The following FBXL17 variants were observed in gnomAD, a reference collection of about 807,000 sequenced individuals.
FBXL17 encodes the protein F-box/LRR-repeat protein 17.
A neutral mutation model predicts 66.2 loss-of-function variants in FBXL17; 22 were observed. The ratio of observed to expected loss-of-function variants is 0.33; its 90% CI spans 0.24 to 0.47. The LOEUF is 0.47. FBXL17 is among the 20% of genes least tolerant of loss of function. The probability of loss-of-function intolerance (pLI) is 1.00; values close to 1 mark genes in which losing one functional copy is unlikely to be tolerated. For missense variants in FBXL17, 878 were observed against 948.2 expected (o/e 0.93, Z 0.97); for synonymous variants, 474 against 400.5 (o/e 1.18, Z -2.19).
At chr5:107,915,253 A>G (rs946147141) in intron 7 of FBXL17, among the ~76,000 whole-genome samples, 8 of 152,182 alleles carry the variant, frequency 5.3e-5, no homozygotes, top group Admixed American at 4.6e-4. Flanking sequence ...CATAAGTAAA[A>G]CATTTTTGCC....
Position 108,224,730 on chromosome 5 carries a change from T to A in FBXL17, c.1507-502A>T, listed in dbSNP as rs1184272629. Among the ~76,000 whole-genome samples, 3 of 152,142 alleles carry A rather than the reference T, an allele frequency of 2.0e-5. No individual in the cohort carries two copies. The South Asian group carries it at 6.2e-4, about 32-fold the overall frequency. ...CCTCAGCCTCCCAAGTAGCTGGGAC[T>A]ACAAGCATGCATCACCACACCCAAC... On this transcript the variant is annotated intron_variant, in intron 4 of 8. Coordinates refer to ENST00000542267, the MANE Select transcript of FBXL17 (RefSeq NM_001163315.3).
intron 6 of FBXL17, among the ~76,000 whole-genome samples, chr5:108,154,875 G>A (rs1365965568): frequency 1.3e-5 from 2 of 151,704 alleles, no homozygotes; most frequent in Non-Finnish European, 2.9e-5. Flanking sequence ...TGCTCTGAAA[G>A]CAGGAAGCAA....
At chr5:107,900,759 C>G (rs1023268209) in intron 7 of FBXL17, among the ~76,000 whole-genome samples, 2 of 152,070 alleles carry the variant, frequency 1.3e-5, no homozygotes, top group Non-Finnish European at 2.9e-5. Context: ...ATTGAAGCTC[C>G]TAATATAGTA....
rs192505713 is a variant in FBXL17, at chr5:107,997,174, C to A, written c.1822+23751G>T. On this transcript the variant is annotated intron_variant, in intron 7 of 8. Transcript: ENST00000542267. ...GGGTCAGTGACATCTGGTTTTAAAT[C>A]CTGTTTCTACTGTTTACATTGTATC... Among the ~76,000 whole-genome samples the A allele has an allele frequency of 2.0e-3, 300 of 152,232 alleles. 1 individual carries two copies. The highest frequency in any genetic ancestry group is 7.1e-3 in the African/African-American group (294 of 41,516).
intron 7 of FBXL17, among the ~76,000 whole-genome samples, chr5:107,912,428 G>A (rs1025538684): frequency 6.6e-6 from 1 of 152,090 alleles, no homozygotes; most frequent in Non-Finnish European, 1.5e-5. Context: ...TTACCAACAT[G>A]GGAATATATA....
At position 108,183,516 on chromosome 5, in the gene FBXL17, A is replaced by C. The variant is rs759883950; in HGVS notation, c.1745+2601T>G. Among the ~76,000 whole-genome samples the C allele has an allele frequency of 1.1e-4, 16 of 152,306 alleles. No homozygotes were observed. The South Asian group carries it at 2.7e-3, about 26-fold the overall frequency. On this transcript the variant is annotated intron_variant, in intron 6 of 8. Transcript: ENST00000542267. ...GATGTTGATTATAGAGAAGAATTTT[A>C]CTTTGTAAACTTTGTTTTCAGGAAA...
At chr5:108,041,471 C>G (rs1370931517) in intron 6 of FBXL17, among the ~76,000 whole-genome samples, 4 of 152,168 alleles carry the variant, frequency 2.6e-5, no homozygotes, top group African/African-American at 7.2e-5. Context: ...GGCCGGAGAG[C>G]AGTGGCGCAA....
At chr5:107,980,664 A>ATATATATTTTTTTTTT in intron 7 of FBXL17, among the ~76,000 whole-genome samples, 41 of 62,066 alleles carry the variant, frequency 6.6e-4, no homozygotes, top group African/African-American at 2.2e-3. Flanking sequence ...ATATATATAT[A>ATATATATTTTTTTTTT]TTTTTTTTTT....
At chr5:108,063,898 A>C (rs1179912753) in intron 6 of FBXL17, among the ~76,000 whole-genome samples, 1 of 152,184 alleles carries the variant, frequency 6.6e-6, no homozygotes, top group Admixed American at 6.5e-5. Context: ...CTGCTGATGC[A>C]TTATTTCTCA....
At chr5:108,057,766 T>C (rs1185119816) in intron 6 of FBXL17, among the ~76,000 whole-genome samples, 2 of 152,218 alleles carry the variant, frequency 1.3e-5, no homozygotes, top group Non-Finnish European at 2.9e-5. Context: ...GCAATCCCAT[T>C]ACAATAGCTA....
intron 4 of FBXL17, among the ~76,000 whole-genome samples, chr5:108,339,469 G>A (rs1226512659): frequency 6.6e-6 from 1 of 151,776 alleles, no homozygotes; most frequent in Non-Finnish European, 1.5e-5. Context: ...TGAGCACAAA[G>A]CCCAAGACTG....
intron 1 of FBXL17, among the ~76,000 whole-genome samples, chr5:108,377,935 T>A (rs1424664198): frequency 6.6e-6 from 1 of 152,212 alleles, no homozygotes; most frequent in Non-Finnish European, 1.5e-5. Flanking sequence ...TGACTTTAGC[T>A]ATTATCTTTT....
chr5:108,028,533 C>T (rs1173901408), intron 6 of FBXL17, among the ~76,000 whole-genome samples: 1 of 152,100 alleles, frequency 6.6e-6, no homozygotes, highest in Non-Finnish European at 1.5e-5. Flanking sequence ...GAGTTAAGCA[C>T]TTCCTCACCA....
In FBXL17 at chr5:108,035,452, T is replaced by C. The variant is rs553334541; in HGVS notation, c.1746-14451A>G. On this transcript the variant is annotated intron_variant, in intron 6 of 8. Coordinates refer to ENST00000542267, the MANE Select transcript of FBXL17 (RefSeq NM_001163315.3). Reference sequence around the variant, plus strand: ...CGTGATCCTGGCTCACTGCAACCTCTGCCTCCCAGGTTCAAGCAATTCTCC... The same window carrying C: ...CGTGATCCTGGCTCACTGCAACCTCCGCCTCCCAGGTTCAAGCAATTCTCC... Among the ~76,000 whole-genome samples the C allele has an allele frequency of 4.6e-5, 7 of 152,078 alleles. No individual in the cohort carries two copies. The South Asian group carries it at 1.5e-3, about 32-fold the overall frequency.
In FBXL17 at chr5:107,962,671, G is replaced by A. The variant is rs553889952; in HGVS notation, c.1822+58254C>T. ...TCTGGAATTAAATAACAGGGCAAGC[G>A]TTAAAAGTTTTTTTTTTTTAATGAA... On this transcript the variant is annotated intron_variant, in intron 7 of 8. Coordinates refer to ENST00000542267, the MANE Select transcript of FBXL17 (RefSeq NM_001163315.3). 7.8e-4 allele frequency among the ~76,000 whole-genome samples: 118 copies of A among 150,842 alleles called. 3 individuals carry two copies. The highest frequency in any genetic ancestry group is 3.2e-4 in the Non-Finnish European group (22 of 67,742).
At chr5:108,305,361 A>G (rs892933409) in intron 4 of FBXL17, among the ~76,000 whole-genome samples, 1 of 152,008 alleles carries the variant, frequency 6.6e-6, no homozygotes, top group African/African-American at 2.4e-5. Flanking sequence ...AGAATAGCTA[A>G]TGGATGCTGG....
At chr5:108,159,499 A>G (rs1340464443) in intron 6 of FBXL17, among the ~76,000 whole-genome samples, 1 of 152,158 alleles carries the variant, frequency 6.6e-6, no homozygotes, top group Non-Finnish European at 1.5e-5. Context: ...TCACTACCGT[A>G]TCAAAGAGAC....
chr5:108,368,012 A>G (rs968124858), intron 1 of FBXL17, 59 bp from the exon 2 acceptor site: 3 of 1,471,000 alleles, frequency 2.0e-6, no homozygotes, highest in Non-Finnish European at 2.7e-6. Flanking sequence ...GCACAGGAAA[A>G]GGTTTTTATT....
intron 6 of FBXL17, among the ~76,000 whole-genome samples, chr5:108,091,874 AT>A (rs1749199386): frequency 6.6e-6 from 1 of 152,222 alleles, no homozygotes; most frequent in Non-Finnish European, 1.5e-5. Context: ...TAATCTTTAC[AT>A]TATGTTGTAG....
Sources: gnomAD v4.1 joint callset for allele counts (sites outside exome capture counted in the v4.1 genomes callset) on GRCh38, gnomAD v4.1.1 for gene constraint, MANE v1.5 for transcripts, NCBI Gene and HGNC (gene_info 2026-07-23, HGNC 2026-07-21) for gene names.